Variants in TRIP11 observed in about 807,000 individuals in gnomAD.
TRIP11 encodes the protein thyroid receptor-interacting protein 11.
TRIP11 carries 148 observed loss-of-function variants against 223.1 expected under a neutral mutation model. That is an observed-to-expected ratio of 0.66 (90% CI 0.58 to 0.76). The LOEUF is 0.76. Among genes scored for constraint, TRIP11 ranks in the 30% least tolerant of loss-of-function variants. TRIP11 has a pLI of 0.00. For synonymous variants in TRIP11, 762 were observed against 772.6 expected (o/e 0.99, Z 0.23); for missense variants, 2,043 against 2,222.0 (o/e 0.92, Z 1.62).
chr14:91,983,775 G>A (rs1168594500), intron 16 of TRIP11, among the ~76,000 whole-genome samples: 1 of 152,128 alleles, frequency 6.6e-6, no homozygotes, highest in Non-Finnish European at 1.5e-5. Flanking sequence ...AAAGGTTTGG[G>A]TAACAAAGCG....
intron 16 of TRIP11, among the ~76,000 whole-genome samples, chr14:91,986,234 A>G (rs1355175732): frequency 1.3e-5 from 2 of 152,236 alleles, no homozygotes; most frequent in Non-Finnish European, 2.9e-5. Context: ...AACATCTGAA[A>G]ATATTCTACT....
At chr14:92,018,016 T>C (rs147103537) in intron 4 of TRIP11, among the ~76,000 whole-genome samples, 1 of 152,162 alleles carries the variant, frequency 6.6e-6, no homozygotes, top group East Asian at 1.9e-4. Context: ...GAAAAATTTA[T>C]AGAATATTTT....
intron 16 of TRIP11, among the ~76,000 whole-genome samples, chr14:91,987,461 C>T (rs962500316): frequency 3.9e-5 from 6 of 152,124 alleles, no homozygotes; most frequent in African/African-American, 1.4e-4. Context: ...CTCTGCTGTA[C>T]CATCTCCTTC....
At chr14:92,036,379 C>G (rs930844267) in intron 1 of TRIP11, among the ~76,000 whole-genome samples, 2 of 152,204 alleles carry the variant, frequency 1.3e-5, no homozygotes, top group African/African-American at 2.4e-5. Flanking sequence ...GCATTTTACA[C>G]TCATGATTTC....
chr14:92,033,377 A>G (rs1385717572), intron 1 of TRIP11, 124 bp from the exon 2 acceptor site: 2 of 738,984 alleles, frequency 2.7e-6, no homozygotes, highest in Non-Finnish European at 4.6e-6. Context: ...GAAAGCATTC[A>G]GAAGAAACAA....
At chr14:91,988,798 T>C (rs1388416463) in intron 15 of TRIP11, among the ~76,000 whole-genome samples, 1 of 152,240 alleles carries the variant, frequency 6.6e-6, no homozygotes, top group African/African-American at 2.4e-5. Context: ...TGACCACTAC[T>C]AGTGAATTTG....
intron 16 of TRIP11, among the ~76,000 whole-genome samples, chr14:91,979,228 G>A (rs1031149854): frequency 9.0e-5 from 13 of 144,590 alleles, no homozygotes; most frequent in African/African-American, 3.4e-4. Context: ...CTGCACTCCG[G>A]CCTGGACAAC....
Position 91,969,372 on chromosome 14 carries a change from C to A in TRIP11, c.*301G>T. 2 of 399,172 alleles carry A rather than the reference C, an allele frequency of 5.0e-6. No homozygotes were observed. Among genetic ancestry groups the A allele is most frequent in the Admixed American group, 4.0e-5 (1 of 25,258 alleles). 24.7% of individuals were successfully genotyped at this position (399,172 alleles called of 1,614,324 possible). A position where few individuals can be genotyped will look rare whatever the true frequency, so the allele number is the denominator to read the frequency against. On this transcript the variant is annotated 3_prime_UTR_variant, in exon 21 of 21. Transcript: ENST00000267622. ...ATCACAAAAGGAAATAAAAAGCTGC[C>A]ATATAGCTACTAGTATTTTTGTCTG... is the stretch of plus-strand genomic sequence containing the variant.
intron 16 of TRIP11, among the ~76,000 whole-genome samples, chr14:91,984,317 CTTT>C (rs138601782): frequency 1.3e-4 from 17 of 127,894 alleles, no homozygotes; most frequent in Admixed American, 3.1e-4. Context: ...TTTTTCTTTT[CTTT>C]TTTTTTTTTT....
rs2056893230 is a variant in TRIP11 at position 92,005,786 on chromosome 14, C to T, written c.2190G>A (p.Lys730=). ...EIEAELCWAK[K]RLLEEANKYE... Reference sequence around the variant, plus strand: ...ACTTGTTTGCTTCTTCCAACAGCCTCTTTTTAGCCCAACACAATTCTGCCT... The same window carrying T: ...ACTTGTTTGCTTCTTCCAACAGCCTTTTTTTAGCCCAACACAATTCTGCCT... Residue 730 remains lysine (K), a synonymous_variant, in exon 11 of 21, where the codon AAG becomes AAA. Coordinates refer to ENST00000267622, the MANE Select transcript of TRIP11 (RefSeq NM_004239.4). The T allele has an allele frequency of 6.2e-7, 1 of 1,614,072 alleles. No individual in the cohort carries two copies. Among genetic ancestry groups the T allele is most frequent in the Admixed American group, 1.7e-5 (1 of 60,032 alleles).
chr14:92,039,461 G>GC (rs765019527), intron 1 of TRIP11, 86 bp downstream of exon 1: 7 of 1,458,130 alleles, frequency 4.8e-6, no homozygotes, highest in Non-Finnish European at 6.7e-6. Context: ...CGACCTGTCC[G>GC]CGTCTCCTGA....
At chr14:92,035,788 C>T (rs995009868) in intron 1 of TRIP11, among the ~76,000 whole-genome samples, 2 of 152,068 alleles carry the variant, frequency 1.3e-5, no homozygotes, top group Non-Finnish European at 2.9e-5. Context: ...ACCATGTTGG[C>T]CAGGCTGGCC....
At position 92,004,410 on chromosome 14, in the gene TRIP11, G is replaced by A; in HGVS notation, c.3566C>T (p.Thr1189Ile). The change falls in exon 11 of 21, where the codon ACA (threonine) becomes ATA (isoleucine). Residue 1189 changes from threonine to isoleucine, a missense_variant. Transcript: ENST00000267622. ...TCCAGCCTCATTACCAGTGCTGGAT[G>A]TTTGTAAAACTGCCAATAAAGTCTG... is the stretch of plus-strand genomic sequence containing the variant. ...KCQTLLAVLQ[T>I]SSTGNEAGGV... 1.2e-6 allele frequency: 2 copies of A among 1,613,978 alleles called. No homozygotes were observed. The highest frequency in any genetic ancestry group is 1.7e-6 in the Non-Finnish European group (2 of 1,180,022).
intron 2 of TRIP11, among the ~76,000 whole-genome samples, chr14:92,029,618 T>C (rs547153597): frequency 6.7e-6 from 1 of 149,368 alleles, no homozygotes; most frequent in African/African-American, 2.5e-5. Flanking sequence ...CTGGCCTATA[T>C]CATCTTTTTA....
intron 16 of TRIP11, among the ~76,000 whole-genome samples, chr14:91,983,699 G>C (rs1279509347): frequency 6.6e-6 from 1 of 152,016 alleles, no homozygotes; most frequent in East Asian, 1.9e-4. Flanking sequence ...ACTGCATCTG[G>C]TACTTCTTAT....
At chr14:92,038,412 A>T (rs867322609) in intron 1 of TRIP11, among the ~76,000 whole-genome samples, 1 of 152,136 alleles carries the variant, frequency 6.6e-6, no homozygotes, top group Non-Finnish European at 1.5e-5. Flanking sequence ...CACATAAAGA[A>T]GCCCTTTCAT....
At position 92,004,096 on chromosome 14, in the gene TRIP11, T is replaced by A. The variant is rs781290694; in HGVS notation, c.3880A>T (p.Ser1294Cys). 6.8e-6 allele frequency: 11 copies of A among 1,614,212 alleles called. No individual in the cohort carries two copies. The South Asian group carries it at 1.2e-4, about 18-fold the overall frequency. ...TTGGTATTGCAAAGCTGCCCAATGCTGTGCTGAACTTGTGCTAATTCCTGC... is the reference window on the plus strand; with the variant it reads ...TTGGTATTGCAAAGCTGCCCAATGCAGTGCTGAACTTGTGCTAATTCCTGC... ...FGQELAQVQH[S>C]IGQLCNTKDL... The change falls in exon 11 of 21, where the codon AGC (serine) becomes TGC (cysteine). Residue 1294 changes from serine (S) to cysteine (C), a missense_variant. By Grantham distance (112) the Ser-to-Cys change is moderately radical. Coordinates refer to ENST00000267622, the MANE Select transcript of TRIP11 (RefSeq NM_004239.4).
In TRIP11 at chr14:91,975,982, A is replaced by C. The variant is rs2056458960; in HGVS notation, c.5342+126T>G. On this transcript the variant is annotated intron_variant, in intron 17 of 20. Coordinates refer to ENST00000267622, the MANE Select transcript of TRIP11 (RefSeq NM_004239.4). The stretch of plus-strand genomic sequence containing the variant: ...CATTAAAGCTGCATCCTTCCTCACT[A>C]AGAGTGAGGGGAAAAAAGGCTTTTG... 7.7e-6 allele frequency: 6 copies of C among 777,356 alleles called. No homozygotes were observed. The Admixed American group carries it at 1.2e-4, about 15-fold the overall frequency. The allele number at this position is 777,356 out of a possible 1,614,324, so 48.2% of individuals were successfully genotyped here. A position where few individuals can be genotyped will look rare whatever the true frequency, so the allele number is the denominator to read the frequency against.
At chr14:92,000,272 C>T (rs551192643) in intron 11 of TRIP11, among the ~76,000 whole-genome samples, 164 bp from the exon 12 acceptor site, 36 of 152,216 alleles carry the variant, frequency 2.4e-4, no homozygotes, top group Non-Finnish European at 4.4e-4. Flanking sequence ...AATTTAAAAA[C>T]GTAGTTAACT....
Sources: gnomAD v4.1 joint callset for allele counts (sites outside exome capture counted in the v4.1 genomes callset) on GRCh38, gnomAD v4.1.1 for gene constraint, MANE v1.5 for transcripts, NCBI Gene and HGNC (gene_info 2026-07-23, HGNC 2026-07-21) for gene names.